Variants in MUSK observed in about 807,000 individuals in gnomAD.
The protein encoded by MUSK is muscle associated receptor tyrosine kinase, also known as muscle, skeletal receptor tyrosine-protein kinase.
MUSK carries 55 observed loss-of-function variants against 88.7 expected under a neutral mutation model. That is an observed-to-expected ratio of 0.62 (90% CI 0.50 to 0.78). The LOEUF is 0.78. Ranked by LOEUF, MUSK falls within the 30% of genes least tolerant of loss-of-function variation. The probability of loss-of-function intolerance (pLI) is 0.00; values close to 1 mark genes in which losing one functional copy is unlikely to be tolerated. For synonymous variants in MUSK, 387 were observed against 391.9 expected (o/e 0.99, Z 0.15); for missense variants, 1,015 against 1,074.3 (o/e 0.94, Z 0.77).
chr9:110,769,878 T>A (rs1232965056), intron 9 of MUSK, among the ~76,000 whole-genome samples: 2 of 152,150 alleles, frequency 1.3e-5, no homozygotes, highest in African/African-American at 4.8e-5. Context: ...GGATAGATGC[T>A]TGAGAGAAAT....
intron 14 of MUSK, among the ~76,000 whole-genome samples, chr9:110,789,345 T>C (rs79906116): frequency 0.018 from 2,717 of 152,200 alleles, 51 homozygotes; most frequent in South Asian, 0.092. Flanking sequence ...AAATATGAGA[T>C]GTGCAAAAAA....
intron 1 of MUSK, among the ~76,000 whole-genome samples, chr9:110,676,342 A>ATATTATATATTATATAT (rs1564206178): frequency 8.0e-5 from 4 of 50,126 alleles, no homozygotes; most frequent in African/African-American, 4.4e-4. Context: ...ACATACACAC[A>ATATTATATATTATATAT]CATATATTAT....
chr9:110,786,489 G>C (rs907982691), intron 13 of MUSK, among the ~76,000 whole-genome samples: 9 of 151,902 alleles, frequency 5.9e-5, no homozygotes, highest in African/African-American at 2.2e-4. Flanking sequence ...ATGTAAATGT[G>C]TCTTCACTTC....
chr9:110,778,154 A>C (rs1397743138), intron 11 of MUSK, among the ~76,000 whole-genome samples: 1 of 152,076 alleles, frequency 6.6e-6, no homozygotes, highest in Non-Finnish European at 1.5e-5. Context: ...GCTGTTAATC[A>C]TTTGTTTATC....
At chr9:110,672,395 T>C (rs1417135558) in intron 1 of MUSK, among the ~76,000 whole-genome samples, 3 of 152,148 alleles carry the variant, frequency 2.0e-5, no homozygotes, top group Non-Finnish European at 4.4e-5. Context: ...GCTTTCTTTA[T>C]AGTGCCCCTG....
At position 110,697,467 on chromosome 9, in the gene MUSK, G is replaced by A; in HGVS notation, c.628+1G>A. 2 of 1,607,892 alleles carry A rather than the reference G, an allele frequency of 1.2e-6. No homozygotes were observed. The highest frequency in any genetic ancestry group is 1.7e-6 in the Non-Finnish European group (2 of 1,176,634). ...AAAGTGGTGAAGCTGGAAGTTGAGG[G>A]TAAGGAGCTGCATTTCTTCCCCTGA... is the stretch of plus-strand genomic sequence containing the variant. On this transcript the variant is annotated splice_donor_variant, in intron 5 of 14. Coordinates refer to ENST00000374448, the MANE Select transcript of MUSK (RefSeq NM_005592.4). LOFTEE classifies it high-confidence loss of function.
At position 110,785,538 on chromosome 9, in the gene MUSK, C is replaced by G. The variant is rs759077822; in HGVS notation, c.1598C>G (p.Ala533Gly). ...QWKNKKRESA[A>G]VTLTTLPSEL... ...TGTCTTGCCTGCAGAGAATCAGCAG[C>G]AGTAACCCTCACCACACTGCCTTCT... Residue 533 changes from alanine (A) to glycine (G), a missense_variant, in exon 13 of 15, where the codon GCA becomes GGA. Ala to Gly is a moderately conservative substitution (Grantham distance 60). Coordinates refer to ENST00000374448, the MANE Select transcript of MUSK (RefSeq NM_005592.4). 1.9e-6 allele frequency: 3 copies of G among 1,608,094 alleles called. No individual in the cohort carries two copies. Among genetic ancestry groups the G allele is most frequent in the African/African-American group, 1.3e-5 (1 of 74,798 alleles).
At chr9:110,798,414 C>A (rs2078044105) in intron 14 of MUSK, among the ~76,000 whole-genome samples, 1 of 152,120 alleles carries the variant, frequency 6.6e-6, no homozygotes, top group Admixed American at 6.5e-5. Flanking sequence ...TGGGAGTAGG[C>A]ATTGAATATT....
At chr9:110,713,489 G>A (rs1313669727) in intron 5 of MUSK, among the ~76,000 whole-genome samples, 1 of 151,970 alleles carries the variant, frequency 6.6e-6, no homozygotes, top group African/African-American at 2.4e-5. Flanking sequence ...CAAGCTCCTG[G>A]CCTCAAGTGA....
intron 7 of MUSK, among the ~76,000 whole-genome samples, chr9:110,757,308 A>G (rs983085948): frequency 1.3e-5 from 2 of 151,944 alleles, no homozygotes; most frequent in African/African-American, 2.4e-5. Flanking sequence ...AAAATACAAA[A>G]ATTAGCCAGG....
intron 5 of MUSK, among the ~76,000 whole-genome samples, chr9:110,716,339 A>C (rs2076743679): frequency 6.7e-6 from 1 of 149,954 alleles, no homozygotes; most frequent in Non-Finnish European, 1.5e-5. Context: ...TATTTTCTAA[A>C]ATTTTCACAA....
Position 110,695,537 on chromosome 9 carries a change from G to A in MUSK, c.486+7G>A. The A allele has an allele frequency of 3.9e-6, 6 of 1,542,744 alleles. No homozygotes were observed. Among genetic ancestry groups the A allele is most frequent in the Non-Finnish European group, 5.3e-6 (6 of 1,141,920 alleles). On this transcript the variant is annotated splice_region_variant and intron_variant, in intron 4 of 14. Transcript: ENST00000374448. ...GGGAGACAGCCCTCTCAGGGTAAGT[G>A]GTTATGATGTTAAAACACATATATA... is the stretch of plus-strand genomic sequence containing the variant.
chr9:110,776,790 C>G, intron 11 of MUSK, 135 bp downstream of exon 11: 3 of 723,172 alleles, frequency 4.1e-6, no homozygotes, highest in Non-Finnish European at 6.8e-6. Context: ...CCATACTCAT[C>G]CAGGGTATAA....
chr9:110,689,594 T>C (rs1184914063), intron 3 of MUSK, among the ~76,000 whole-genome samples: 35 of 104,946 alleles, frequency 3.3e-4, no homozygotes, highest in Non-Finnish European at 5.8e-4. Context: ...CTACATAATA[T>C]ATAACATATT....
chr9:110,761,567 C>CT (rs1168716499), intron 7 of MUSK, among the ~76,000 whole-genome samples: 16,703 of 52,624 alleles, frequency 0.32, 7,410 homozygotes, highest in Non-Finnish European at 0.39. Context: ...CCACATCTTG[C>CT]TTTTTTTTTT....
intron 14 of MUSK, among the ~76,000 whole-genome samples, chr9:110,790,157 A>C (rs536461899): frequency 1.4e-4 from 22 of 152,358 alleles, no homozygotes; most frequent in African/African-American, 5.3e-4. Context: ...GAAAGTGAGC[A>C]TGTCATATGC....
At chr9:110,772,740 C>A (rs1468007029) in intron 9 of MUSK, among the ~76,000 whole-genome samples, 1 of 151,990 alleles carries the variant, frequency 6.6e-6, no homozygotes, top group African/African-American at 2.4e-5. Context: ...TGTTTTCTTG[C>A]AATTCTGACT....
At chr9:110,774,047 A>C (rs2077624840) in intron 9 of MUSK, among the ~76,000 whole-genome samples, 1 of 151,920 alleles carries the variant, frequency 6.6e-6, no homozygotes, top group Non-Finnish European at 1.5e-5. Flanking sequence ...CACATCTTTG[A>C]TTATTTTCTA....
At chr9:110,680,528 T>G (rs1159771931) in intron 1 of MUSK, among the ~76,000 whole-genome samples, 1 of 151,580 alleles carries the variant, frequency 6.6e-6, no homozygotes, top group East Asian at 1.9e-4. Context: ...GGACTACAGG[T>G]GTGCACCACC....
Sources: allele counts gnomAD v4.1 joint callset (sites outside exome capture counted in the v4.1 genomes callset), GRCh38; gene constraint gnomAD v4.1.1; transcripts MANE v1.5; gene names NCBI Gene and HGNC (gene_info 2026-07-23, HGNC 2026-07-21).